The following AUTS2 variants were observed in gnomAD, a reference collection of about 807,000 sequenced individuals.
AUTS2 encodes autism susceptibility gene 2 protein.
A neutral mutation model predicts 112.4 loss-of-function variants in AUTS2; 17 were observed. The observed-to-expected ratio is 0.15, with a 90% CI of 0.10 to 0.23. The LOEUF is 0.23. Among genes scored for constraint, AUTS2 ranks in the 10% least tolerant of loss-of-function variants. AUTS2 has a pLI of 1.00. For missense variants in AUTS2, 1,510 were observed against 1,701.6 expected (o/e 0.89, Z 1.98); for synonymous variants, 751 against 702.7 (o/e 1.07, Z -1.09).
chr7:70,518,037 A>G (rs753561597), intron 5 of AUTS2, among the ~76,000 whole-genome samples: 20 of 152,220 alleles, frequency 1.3e-4, no homozygotes, highest in Non-Finnish European at 2.1e-4. Context: ...CTGATAAAAT[A>G]CTTGAATCAC....
intron 4 of AUTS2, among the ~76,000 whole-genome samples, chr7:70,222,891 T>A (rs1262329670): frequency 2.0e-5 from 3 of 150,092 alleles, no homozygotes; most frequent in Non-Finnish European, 4.5e-5. Flanking sequence ...AAATTTGCTT[T>A]TTTTTTTTTT....
At chr7:70,467,327 C>A (rs754336229) in intron 5 of AUTS2, among the ~76,000 whole-genome samples, 5 of 152,162 alleles carry the variant, frequency 3.3e-5, no homozygotes, top group Non-Finnish European at 5.9e-5. Context: ...TAAAAAGCAC[C>A]CTCCACAAGG....
intron 4 of AUTS2, among the ~76,000 whole-genome samples, chr7:70,222,287 G>C (rs1044115031): frequency 4.6e-5 from 7 of 152,182 alleles, no homozygotes; most frequent in African/African-American, 1.7e-4. Context: ...GTGTCAGGGA[G>C]GAAGAGGGAT....
intron 4 of AUTS2, among the ~76,000 whole-genome samples, chr7:70,232,406 T>A (rs1415560921): frequency 6.6e-6 from 1 of 151,594 alleles, no homozygotes; most frequent in African/African-American, 2.4e-5. Flanking sequence ...AGGCTCTTGC[T>A]CTTTTTTTTT....
intron 1 of AUTS2, among the ~76,000 whole-genome samples, chr7:69,696,089 T>C (rs995544465): frequency 1.3e-5 from 2 of 152,248 alleles, no homozygotes; most frequent in Admixed American, 1.3e-4. Context: ...TGTCAGATCA[T>C]GGGTGAGAAT....
intron 4 of AUTS2, among the ~76,000 whole-genome samples, chr7:70,141,984 T>A (rs896590243): frequency 1.1e-4 from 16 of 152,312 alleles, no homozygotes; most frequent in African/African-American, 3.8e-4. Flanking sequence ...ACTGAGAAAT[T>A]TGACAAAAAA....
intron 5 of AUTS2, among the ~76,000 whole-genome samples, chr7:70,467,223 C>T (rs1325985177): frequency 6.6e-6 from 1 of 152,254 alleles, no homozygotes; most frequent in East Asian, 1.9e-4. Context: ...TTCACCCAGG[C>T]TAATGGCTGA....
At chr7:70,330,580 C>G (rs933367001) in intron 4 of AUTS2, among the ~76,000 whole-genome samples, 1 of 152,118 alleles carries the variant, frequency 6.6e-6, no homozygotes, top group African/African-American at 2.4e-5. Flanking sequence ...ACTTTTTTCT[C>G]CTTTTACAAG....
rs375852421 is a variant in AUTS2 at position 70,748,488 on chromosome 7, G to A, written c.743-14382G>A. ...GGGGATAAGTAGATTTATTTCTTCT[G>A]TTCCTAAAGATTATTATAGATGAAA... On this transcript the variant is annotated intron_variant, in intron 6 of 18. Transcript: ENST00000342771. Among the ~76,000 whole-genome samples the A allele has an allele frequency of 2.7e-4, 41 of 152,260 alleles. 1 individual carries two copies. The South Asian group carries it at 7.9e-3, about 29-fold the overall frequency.
intron 4 of AUTS2, among the ~76,000 whole-genome samples, chr7:70,407,908 G>A (rs1293291506): frequency 2.0e-5 from 3 of 152,052 alleles, no homozygotes; most frequent in South Asian, 2.1e-4. Flanking sequence ...CAAAAAATTA[G>A]CCAGGCGTGG....
intron 2 of AUTS2, among the ~76,000 whole-genome samples, chr7:69,958,483 A>C (rs1470503133): frequency 6.6e-6 from 1 of 152,102 alleles, no homozygotes; most frequent in Non-Finnish European, 1.5e-5. Flanking sequence ...CATCAGGGCC[A>C]AGTGGAGGTG....
At chr7:70,660,797 C>T (rs1485075992) in intron 5 of AUTS2, among the ~76,000 whole-genome samples, 1 of 152,212 alleles carries the variant, frequency 6.6e-6, no homozygotes, top group African/African-American at 2.4e-5. Flanking sequence ...CCAGGCCACA[C>T]AGCAGCTAAG....
At chr7:70,176,008 T>C (rs1334452318) in intron 4 of AUTS2, among the ~76,000 whole-genome samples, 1 of 152,184 alleles carries the variant, frequency 6.6e-6, no homozygotes, top group Non-Finnish European at 1.5e-5. Context: ...GTAGTATGAC[T>C]ATCTCACATA....
At chr7:69,826,172 G>A (rs7784950) in intron 1 of AUTS2, among the ~76,000 whole-genome samples, 11,570 of 152,070 alleles carry the variant, frequency 0.076, 598 homozygotes, top group African/African-American at 0.14. Flanking sequence ...GTTATTTTTT[G>A]GTTTGTAGAT....
At chr7:70,071,730 T>C (rs1802776449) in intron 2 of AUTS2, among the ~76,000 whole-genome samples, 1 of 152,192 alleles carries the variant, frequency 6.6e-6, no homozygotes, top group Non-Finnish European at 1.5e-5. Context: ...TTCAGACACA[T>C]TGCAATTCTT....
intron 4 of AUTS2, among the ~76,000 whole-genome samples, chr7:70,155,508 G>T (rs1807698291): frequency 6.6e-6 from 1 of 150,476 alleles, no homozygotes; most frequent in African/African-American, 2.4e-5. Context: ...TTTAGAAGGA[G>T]AAAACTGGCA....
intron 5 of AUTS2, among the ~76,000 whole-genome samples, chr7:70,608,743 T>C (rs2129532613): frequency 6.6e-6 from 1 of 152,148 alleles, no homozygotes; most frequent in South Asian, 2.1e-4. Context: ...AGTGGGAAAG[T>C]AGATATGGCA....
chr7:69,767,930 C>G (rs1279165844), intron 1 of AUTS2, among the ~76,000 whole-genome samples: 1 of 152,230 alleles, frequency 6.6e-6, no homozygotes, highest in East Asian at 1.9e-4. Flanking sequence ...GTCACTGCCT[C>G]TTCTGTGCCT....
intron 5 of AUTS2, among the ~76,000 whole-genome samples, chr7:70,496,465 T>G (rs1230391964): frequency 5.5e-5 from 3 of 54,652 alleles, no homozygotes; most frequent in East Asian, 5.6e-4. Context: ...ACGTACACAG[T>G]CACACACACA....
Sources: allele counts gnomAD v4.1 joint callset (sites outside exome capture counted in the v4.1 genomes callset), GRCh38; gene constraint gnomAD v4.1.1; transcripts MANE v1.5; gene names NCBI Gene and HGNC (gene_info 2026-07-23, HGNC 2026-07-21).